The following SYT9 variants were observed in gnomAD, a reference collection of about 807,000 sequenced individuals.
SYT9 encodes synaptotagmin 9, also known as synaptotagmin-9.
A neutral mutation model predicts 48.4 loss-of-function variants in SYT9; 22 were observed. That is an observed-to-expected ratio of 0.45 (90% CI 0.32 to 0.65). The LOEUF (loss-of-function observed/expected upper bound fraction) is 0.65, where lower values mean the gene tolerates loss of function less well. SYT9 is among the 30% of genes least tolerant of loss of function. SYT9 has a pLI of 0.03. For missense variants in SYT9, 577 were observed against 622.0 expected, an observed-to-expected ratio of 0.93 and a Z score of 0.77; for synonymous variants, 265 against 245.0, an observed-to-expected ratio of 1.08 and a Z score of -0.76.
chr11:7,322,207 G>C (rs1288266950), intron 3 of SYT9, among the ~76,000 whole-genome samples: 1 of 152,156 alleles, frequency 6.6e-6, no homozygotes, highest in Non-Finnish European at 1.5e-5. Context: ...AGCAGAGTTG[G>C]CAAGAGATGC....
chr11:7,454,238 C>T, intron 6 of SYT9: 1 of 985,416 alleles, frequency 1.0e-6, no homozygotes, highest in Non-Finnish European at 1.2e-6. Flanking sequence ...CTCTCTAGCC[C>T]TTAGTTGATG....
intron 3 of SYT9, among the ~76,000 whole-genome samples, chr11:7,412,067 A>C (rs2346834): frequency 2.1e-4 from 32 of 152,254 alleles, no homozygotes; most frequent in African/African-American, 7.7e-4. Flanking sequence ...TTTAAAAAAA[A>C]TGTGTATCTC....
Position 7,448,049 on chromosome 11 carries a change from A to T in SYT9, c.1468-18743A>T, listed in dbSNP as rs560948218. On this transcript the variant is annotated intron_variant, in intron 6 of 6. Transcript: ENST00000318881. ...AAAACACCCTCACCAACAGCATCTC[A>T]TGTTTTGCCTAACAGCATGAGCTCT... Among the ~76,000 whole-genome samples the T allele has an allele frequency of 2.7e-4, 41 of 152,328 alleles. No individual in the cohort carries two copies. The South Asian group carries it at 8.5e-3, about 32-fold the overall frequency.
chr11:7,346,485 A>G lies in SYT9; in HGVS notation c.1044+32544A>G, dbSNP rs1849803653. Among the ~76,000 whole-genome samples the G allele has an allele frequency of 3.3e-5, 5 of 152,356 alleles. No homozygotes were observed. The South Asian group carries it at 1.0e-3, about 32-fold the overall frequency. ...GGCCAATGCAAGTGCAAATACATTT[A>G]TGAATCCAAAGGTAAGAAGTCAAGT... On this transcript the variant is annotated intron_variant, in intron 3 of 6. Transcript: ENST00000318881.
chr11:7,374,567 C>T (rs1416648060), intron 3 of SYT9, among the ~76,000 whole-genome samples: 1 of 152,236 alleles, frequency 6.6e-6, no homozygotes, highest in African/African-American at 2.4e-5. Flanking sequence ...TTCTCCACAT[C>T]CTCTCCACCA....
chr11:7,300,955 C>T (rs1329858279), intron 1 of SYT9, among the ~76,000 whole-genome samples: 1 of 152,172 alleles, frequency 6.6e-6, no homozygotes, highest in African/African-American at 2.4e-5. Flanking sequence ...CACTCCCTAT[C>T]CCCCATCCCT....
At chr11:7,372,734 A>G (rs1850385194) in intron 3 of SYT9, among the ~76,000 whole-genome samples, 1 of 152,100 alleles carries the variant, frequency 6.6e-6, no homozygotes, top group Non-Finnish European at 1.5e-5. Flanking sequence ...TCACTTGGTT[A>G]TATTGGATTT....
chr11:7,265,454 A>G (rs1427614535), intron 1 of SYT9, among the ~76,000 whole-genome samples: 1 of 152,172 alleles, frequency 6.6e-6, no homozygotes, highest in African/African-American at 2.4e-5. Context: ...GCCCTGTCCC[A>G]AGATTGACTA....
chr11:7,409,230 A>G (rs1191038410), intron 3 of SYT9, among the ~76,000 whole-genome samples: 2 of 152,158 alleles, frequency 1.3e-5, no homozygotes, highest in East Asian at 1.9e-4. Context: ...TTGAGCCATC[A>G]GTGCATCCCT....
At chr11:7,325,305 T>G (rs1003881247) in intron 3 of SYT9, among the ~76,000 whole-genome samples, 2 of 138,046 alleles carry the variant, frequency 1.4e-5, no homozygotes, top group Non-Finnish European at 3.1e-5. Flanking sequence ...TGGTTTGTAG[T>G]TCTCCTTGAA....
chr11:7,369,873 T>TTTTTCTC (rs1850330503), intron 3 of SYT9, among the ~76,000 whole-genome samples: 1 of 151,122 alleles, frequency 6.6e-6, no homozygotes, highest in Admixed American at 6.6e-5. Flanking sequence ...TGCAGTTCTT[T>TTTTTCTC]TTTTCTCTTT....
intron 3 of SYT9, among the ~76,000 whole-genome samples, chr11:7,389,375 T>C (rs1426995484): frequency 6.6e-6 from 1 of 152,156 alleles, no homozygotes; most frequent in Non-Finnish European, 1.5e-5. Context: ...ATAAGTTTGC[T>C]GATATAAATA....
In SYT9 at chr11:7,303,162, G is replaced by A. The variant is rs1848959392; in HGVS notation, c.269G>A (p.Gly90Asp). 6.2e-7 allele frequency: 1 copy of A among 1,614,152 alleles called. No homozygotes were observed. Among genetic ancestry groups the A allele is most frequent in the Non-Finnish European group, 8.5e-7 (1 of 1,180,022 alleles). Residue 90 changes from glycine (G) to aspartate (D), a missense_variant, in exon 2 of 7, where the codon GGT becomes GAT. Gly to Asp is a moderately conservative substitution (Grantham distance 94). Coordinates refer to ENST00000318881, the MANE Select transcript of SYT9 (RefSeq NM_175733.4). ...VPWRERGLPSGSKDNNQEPLN... is the reference protein window; with the variant it reads ...VPWRERGLPSDSKDNNQEPLN... The stretch of plus-strand genomic sequence containing the variant: ...TGGCGAGAACGAGGCCTGCCCTCTG[G>A]TAGCAAAGACAACAACCAGGAGCCC...
chr11:7,251,440 G>C (rs926582114), upstream of SYT9, among the ~76,000 whole-genome samples: 2 of 151,966 alleles, frequency 1.3e-5, no homozygotes, highest in Admixed American at 6.6e-5. Flanking sequence ...GCCTGTGCTT[G>C]GGAAATCCTT....
rs1472099486 is a variant in SYT9 at position 7,252,852 on chromosome 11, C to T, written c.145+521C>T. Among the ~76,000 whole-genome samples the T allele has an allele frequency of 2.6e-5, 4 of 152,218 alleles. No homozygotes were observed. The highest frequency in any genetic ancestry group is 7.2e-5 in the African/African-American group (3 of 41,466). ...GGGGTGAGAAGGGCGGGACGCGATC[C>T]GGCGTTGGGCCGGGGACAGGGTGCT... On this transcript the variant is annotated intron_variant, in intron 1 of 6. Transcript: ENST00000318881. This position sits in a 1 kb window ranked among gnomAD's most constrained non-coding sequence, Gnocchi z 6.3.
chr11:7,295,597 TG>T (rs1468293002), intron 1 of SYT9, among the ~76,000 whole-genome samples: 2 of 152,216 alleles, frequency 1.3e-5, no homozygotes, highest in Non-Finnish European at 2.9e-5. Flanking sequence ...TTCATGGCAG[TG>T]TAAGCTTTTT....
intron 3 of SYT9, among the ~76,000 whole-genome samples, chr11:7,349,273 T>C (rs1849863035): frequency 6.6e-6 from 1 of 151,994 alleles, no homozygotes; most frequent in Admixed American, 6.6e-5. Context: ...ACAGTAGAGA[T>C]GGTTGCACAA....
At chr11:7,439,223 G>A (rs550155110) in intron 6 of SYT9, 1 of 152,356 alleles carries the variant, frequency 6.6e-6, no homozygotes, top group East Asian at 1.9e-4. Context: ...CATGCACACA[G>A]CTTAGAAGAG....
intron 6 of SYT9, 101 bp downstream of exon 6, chr11:7,420,736 C>A (rs1847339028): frequency 1.4e-6 from 2 of 1,446,388 alleles, no homozygotes; most frequent in South Asian, 1.3e-5. Flanking sequence ...GATCTATGGT[C>A]ATAGACGGGT....
Sources: allele counts gnomAD v4.1 joint callset (sites outside exome capture counted in the v4.1 genomes callset), GRCh38; gene constraint gnomAD v4.1.1; non-coding constraint Gnocchi (gnomAD v3.1); transcripts MANE v1.5; gene names NCBI Gene and HGNC (gene_info 2026-07-23, HGNC 2026-07-21).